Variants in ZNF608 observed in about 807,000 individuals in gnomAD.
ZNF608 encodes the protein renal carcinoma antigen NY-REN-36.
In ZNF608, 12 loss-of-function variants were observed where a neutral mutation model predicts 109.0. The observed-to-expected ratio is 0.11, with a 90% CI of 0.07 to 0.18. ZNF608 has a LOEUF of 0.18. ZNF608 is among the 10% of genes least tolerant of loss of function. The pLI is 1.00. For synonymous variants in ZNF608, 732 were observed against 717.4 expected (o/e 1.02, Z -0.33); for missense variants, 1,707 against 1,879.3 (o/e 0.91, Z 1.70).
chr5:124,746,556 C>T lies in ZNF608; in HGVS notation c.-545G>A. 17 of 985,408 alleles carry T rather than the reference C, an allele frequency of 1.7e-5. No individual in the cohort carries two copies. The highest frequency in any genetic ancestry group is 2.0e-5 in the Non-Finnish European group (17 of 829,938). 61.0% of individuals were successfully genotyped at this position (985,408 alleles called of 1,614,324 possible). A position where few individuals can be genotyped will look rare whatever the true frequency, so the allele number is the denominator to read the frequency against. The stretch of plus-strand genomic sequence containing the variant: ...AGAGAAAAAAGTTTTCCCAACTTCT[C>T]ATTCCGCCTTCAGTTCCAGACTTCA... On this transcript the variant is annotated 5_prime_UTR_variant, in exon 1 of 10. The change abolishes an upstream ATG in the 5' untranslated region. Coordinates refer to ENST00000513986, the MANE Select transcript of ZNF608 (RefSeq NM_020747.3).
chr5:124,650,857 T>C (rs1012422047), intron 3 of ZNF608, among the ~76,000 whole-genome samples: 2 of 152,240 alleles, frequency 1.3e-5, no homozygotes, highest in East Asian at 3.8e-4. Flanking sequence ...TTGTGAATTT[T>C]ACAGAAAACC....
intron 3 of ZNF608, among the ~76,000 whole-genome samples, chr5:124,680,706 A>G (rs1402176654): frequency 2.0e-5 from 3 of 152,214 alleles, no homozygotes; most frequent in Non-Finnish European, 4.4e-5. Flanking sequence ...ATAAACAAAA[A>G]AGAAACTTAG....
At chr5:124,644,184 A>G in intron 6 of ZNF608, 60 bp downstream of exon 6, 1 of 1,426,552 alleles carries the variant, frequency 7.0e-7, no homozygotes, top group Non-Finnish European at 9.4e-7. Context: ...TGAGTTTTTA[A>G]CAGCTAATAT....
intron 3 of ZNF608, among the ~76,000 whole-genome samples, chr5:124,696,109 G>A (rs193127222): frequency 1.4e-3 from 211 of 151,950 alleles, no homozygotes; most frequent in African/African-American, 4.8e-3. Context: ...GCTTGAACCC[G>A]GGAGGTGGAG....
intron 3 of ZNF608, among the ~76,000 whole-genome samples, chr5:124,686,852 A>T (rs1476657323): frequency 6.6e-6 from 1 of 152,246 alleles, no homozygotes; most frequent in Non-Finnish European, 1.5e-5. Context: ...GGCAGGATCA[A>T]AACTGCCCAC....
intron 5 of ZNF608, 99 bp from the exon 6 acceptor site, chr5:124,644,760 T>C: frequency 1.0e-6 from 1 of 974,196 alleles, no homozygotes; most frequent in African/African-American, 1.6e-5. Flanking sequence ...ACTAGCACTC[T>C]TAATTTTAAT....
intron 2 of ZNF608, among the ~76,000 whole-genome samples, chr5:124,726,843 C>T (rs1748632510): frequency 6.6e-6 from 1 of 152,160 alleles, no homozygotes; most frequent in Non-Finnish European, 1.5e-5. Context: ...TATGTGTTAC[C>T]TGAGTGGATT....
intron 3 of ZNF608, among the ~76,000 whole-genome samples, chr5:124,675,110 G>A (rs1751886907): frequency 6.6e-6 from 1 of 152,262 alleles, no homozygotes; most frequent in East Asian, 1.9e-4. Context: ...TCCTTTGAAG[G>A]AGACTGCAAC....
At chr5:124,702,726 T>C (rs562882719) in intron 2 of ZNF608, among the ~76,000 whole-genome samples, 2 of 152,266 alleles carry the variant, frequency 1.3e-5, no homozygotes, top group East Asian at 3.9e-4. Context: ...CATCTGCATG[T>C]TAAAAAAACT....
intron 9 of ZNF608, 96 bp downstream of exon 9, chr5:124,639,037 G>C: frequency 8.5e-7 from 1 of 1,171,526 alleles, no homozygotes; most frequent in Admixed American, 2.1e-5. Flanking sequence ...AAAACCCAAG[G>C]AGTTAAGTTT....
At chr5:124,644,219 T>A in intron 6 of ZNF608, 25 bp downstream of exon 6, 1 of 1,561,056 alleles carries the variant, frequency 6.4e-7, no homozygotes, top group Non-Finnish European at 8.7e-7. Flanking sequence ...TTTCCTCCAA[T>A]ATAGTCAGAA....
Position 124,744,462 on chromosome 5 carries a change from G to A in ZNF608, c.528C>T (p.Ala176=). The change falls in exon 2 of 10, where the codon GCC becomes GCT. Residue 176 remains alanine, a synonymous_variant. Coordinates refer to ENST00000513986, the MANE Select transcript of ZNF608 (RefSeq NM_020747.3). The surrounding 1 kb of genome is among the most constrained non-coding windows in gnomAD (Gnocchi z 4.5). ...NSNSTSTSTS[A]ATAGAGSCGK... is the part of the protein sequence containing the mutation. ...CACAGGAGCCTGCCCCCGCGGTGGCGGCAGAGGTGCTGGTGCTGGTACTAT... is the reference window on the plus strand; with the variant it reads ...CACAGGAGCCTGCCCCCGCGGTGGCAGCAGAGGTGCTGGTGCTGGTACTAT... 1 of 1,614,186 alleles carries A rather than the reference G, an allele frequency of 6.2e-7. No homozygotes were observed. The highest frequency in any genetic ancestry group is 8.5e-7 in the Non-Finnish European group (1 of 1,180,030).
chr5:124,682,963 A>G (rs1752254017), intron 3 of ZNF608, among the ~76,000 whole-genome samples: 1 of 151,846 alleles, frequency 6.6e-6, no homozygotes, highest in African/African-American at 2.4e-5. Flanking sequence ...ATGAGCTATC[A>G]TTTCTAACAT....
At chr5:124,713,378 T>G (rs1753575447) in intron 2 of ZNF608, among the ~76,000 whole-genome samples, 1 of 152,216 alleles carries the variant, frequency 6.6e-6, no homozygotes, top group African/African-American at 2.4e-5. Flanking sequence ...CACTGTCTGT[T>G]TTCCTAAGGC....
intron 2 of ZNF608, among the ~76,000 whole-genome samples, chr5:124,735,434 C>T: frequency 6.6e-6 from 1 of 152,174 alleles, no homozygotes; most frequent in Non-Finnish European, 1.5e-5. Context: ...GCGGCCACGC[C>T]CCCAGGAGCC....
intron 2 of ZNF608, among the ~76,000 whole-genome samples, chr5:124,733,168 C>T (rs1748982197): frequency 6.7e-6 from 1 of 150,044 alleles, no homozygotes; most frequent in African/African-American, 2.4e-5. Context: ...AATCTGCAAA[C>T]AAATGGTTTG....
chr5:124,698,446 C>G (rs1411588614), intron 3 of ZNF608, among the ~76,000 whole-genome samples: 1 of 152,166 alleles, frequency 6.6e-6, no homozygotes, highest in Non-Finnish European at 1.5e-5. Flanking sequence ...TTCTTGTCAC[C>G]ACAGTAAACA....
chr5:124,734,034 T>C (rs1053939700), intron 2 of ZNF608, among the ~76,000 whole-genome samples: 1 of 152,200 alleles, frequency 6.6e-6, no homozygotes, highest in Non-Finnish European at 1.5e-5. Flanking sequence ...AAAAAACTCA[T>C]GCATCCATTT....
chr5:124,719,746 T>A (rs1159977684), intron 2 of ZNF608, among the ~76,000 whole-genome samples: 4 of 152,218 alleles, frequency 2.6e-5, no homozygotes, highest in Non-Finnish European at 5.9e-5. Flanking sequence ...AAGCAAAGGT[T>A]TCTGCGTTTG....
Sources: allele counts gnomAD v4.1 joint callset (sites outside exome capture counted in the v4.1 genomes callset), GRCh38; gene constraint gnomAD v4.1.1; non-coding constraint Gnocchi (gnomAD v3.1); transcripts MANE v1.5; gene names NCBI Gene and HGNC (gene_info 2026-07-23, HGNC 2026-07-21).